The following VAPB variants were observed in gnomAD, a reference collection of about 807,000 sequenced individuals.
VAPB encodes the protein vesicle-associated membrane protein-associated protein B/C.
Under a neutral mutation model 25.6 loss-of-function variants are expected in VAPB, and 7 were observed. The ratio of observed to expected loss-of-function variants is 0.27; its 90% CI spans 0.16 to 0.51. VAPB has a LOEUF of 0.51. VAPB is among the 20% of genes least tolerant of loss of function. The probability of loss-of-function intolerance (pLI) is 0.97; values close to 1 mark genes in which losing one functional copy is unlikely to be tolerated. For missense variants in VAPB, 266 were observed against 301.3 expected (o/e 0.88, Z 0.87); for synonymous variants, 112 against 109.2 (o/e 1.03, Z -0.16).
chr20:58,416,778 G>A (rs545917239), intron 1 of VAPB, among the ~76,000 whole-genome samples: 5 of 144,204 alleles, frequency 3.5e-5, no homozygotes, highest in African/African-American at 1.3e-4. Flanking sequence ...TTTTTTCCAT[G>A]CCCGGAGCAC....
rs147562400 is a variant in VAPB at position 58,422,010 on chromosome 20, T to G, written c.211+3647T>G. Among the ~76,000 whole-genome samples the G allele has an allele frequency of 4.6e-5, 7 of 152,308 alleles. No individual in the cohort carries two copies. The East Asian group carries it at 1.3e-3, about 29-fold the overall frequency. ...TATTGGGTCCTTAAAAAAACTCCCT[T>G]TTATAAACTTAGGTGGTAAAGTAAC... On this transcript the variant is annotated intron_variant, in intron 2 of 5. Transcript: ENST00000475243.
intron 2 of VAPB, among the ~76,000 whole-genome samples, chr20:58,429,843 G>A (rs1747087798): frequency 6.6e-6 from 1 of 152,100 alleles, no homozygotes; most frequent in Admixed American, 6.5e-5. Flanking sequence ...CTCCTGGAGG[G>A]CCTGTGAGAC....
intron 2 of VAPB, among the ~76,000 whole-genome samples, chr20:58,421,273 G>A (rs923716777): frequency 4.6e-5 from 7 of 152,208 alleles, no homozygotes; most frequent in Non-Finnish European, 1.0e-4. Flanking sequence ...CATGGTACAA[G>A]AGTGGTACAT....
chr20:58,443,959 T>A, intron 5 of VAPB, 118 bp from the exon 6 acceptor site: 1 of 1,475,542 alleles, frequency 6.8e-7, no homozygotes, highest in Non-Finnish European at 9.4e-7. Context: ...CAAAATGCGG[T>A]TGGACCATAT....
intron 1 of VAPB, among the ~76,000 whole-genome samples, chr20:58,417,145 A>C (rs534791858): frequency 6.6e-6 from 1 of 152,242 alleles, no homozygotes; most frequent in Non-Finnish European, 1.5e-5. Flanking sequence ...ACAGGTGAAA[A>C]ATATGTAAAT....
chr20:58,441,379 C>T (rs1026308110), intron 5 of VAPB, among the ~76,000 whole-genome samples: 35 of 151,958 alleles, frequency 2.3e-4, no homozygotes, highest in Non-Finnish European at 5.9e-5. Flanking sequence ...CGGTGGCTCA[C>T]GCCTGTAATC....
chr20:58,413,642 T>G (rs2123049072), intron 1 of VAPB, among the ~76,000 whole-genome samples: 1 of 151,944 alleles, frequency 6.6e-6, no homozygotes, highest in African/African-American at 2.4e-5. Context: ...TCCTGGCCCG[T>G]TCTCAATGAG....
chr20:58,428,526 C>T (rs772444214), intron 2 of VAPB, among the ~76,000 whole-genome samples: 6 of 152,064 alleles, frequency 3.9e-5, no homozygotes, highest in Admixed American at 3.9e-4. Context: ...GTGGCAGGCA[C>T]CTATAGTCCT....
rs1028052961 is a variant in VAPB, at chr20:58,439,208, C to T, written c.396+183C>T. 62 of 611,710 alleles carry T rather than the reference C, an allele frequency of 1.0e-4. No homozygotes were observed. In the South Asian group the frequency reaches 1.0e-3, roughly 10 times the overall value. The allele number at this position is 611,710 out of a possible 1,614,324, so 37.9% of individuals were successfully genotyped here. On this transcript the variant is annotated intron_variant, in intron 4 of 5. Transcript: ENST00000475243. Reference sequence around the variant, plus strand: ...TTATGAAATCAGCCTTTGAAAAACTCACGGAAAGACAACTGATTGACAGTG... The same window carrying T: ...TTATGAAATCAGCCTTTGAAAAACTTACGGAAAGACAACTGATTGACAGTG...
intron 1 of VAPB, among the ~76,000 whole-genome samples, chr20:58,399,713 CA>C (rs11315321): frequency 0.32 from 41,554 of 128,028 alleles, 5,930 homozygotes; most frequent in South Asian, 0.4. Context: ...GAGACCGTCT[CA>C]AAAAAAAAAA....
At chr20:58,389,634 G>C (rs912700945) in intron 1 of VAPB, 117 bp downstream of exon 1, 20 of 1,144,078 alleles carry the variant, frequency 1.7e-5, no homozygotes, top group East Asian at 1.0e-4. Flanking sequence ...GCGCTGTCGC[G>C]GGGGGCGGCG....
chr20:58,444,470 CT>C lies in VAPB; in HGVS notation c.*238del. On this transcript the variant is annotated 3_prime_UTR_variant, in exon 6 of 6. Coordinates refer to ENST00000475243, the MANE Select transcript of VAPB (RefSeq NM_004738.5). The stretch of plus-strand genomic sequence containing the variant: ...ACTGATTGAGGGGGAAAAGAATGAT[CT>C]TTATTAATGACAAGGGAAACCATGA... 4.7e-6 allele frequency: 3 copies of C among 634,604 alleles called. No individual in the cohort carries two copies. The highest frequency in any genetic ancestry group is 5.8e-6 in the Non-Finnish European group (2 of 344,974). 39.3% of individuals were successfully genotyped at this position (634,604 alleles called of 1,614,324 possible).
At chr20:58,407,482 T>G (rs1988258949) in intron 1 of VAPB, among the ~76,000 whole-genome samples, 1 of 152,084 alleles carries the variant, frequency 6.6e-6, no homozygotes, top group Non-Finnish European at 1.5e-5. Context: ...TATGAAAAAA[T>G]TTTTAAGTAC....
chr20:58,431,786 T>C (rs144515967), intron 2 of VAPB, among the ~76,000 whole-genome samples: 2 of 152,204 alleles, frequency 1.3e-5, no homozygotes, highest in Non-Finnish European at 2.9e-5. Flanking sequence ...AGGTTGGTCT[T>C]GAACTCAAGT....
chr20:58,433,871 CA>C (rs1988981374), intron 2 of VAPB, among the ~76,000 whole-genome samples: 1 of 152,258 alleles, frequency 6.6e-6, no homozygotes, highest in South Asian at 2.1e-4. Context: ...AGCAAAGTAA[CA>C]TATTTTAAAG....
intron 1 of VAPB, among the ~76,000 whole-genome samples, chr20:58,398,314 A>G (rs1022634142): frequency 9.2e-5 from 14 of 152,214 alleles, no homozygotes; most frequent in Non-Finnish European, 1.9e-4. Context: ...CCAATCGGGG[A>G]TTGTCTGTAC....
In VAPB at chr20:58,450,103, A is replaced by T. The variant is rs1228175855; in HGVS notation, c.*5868A>T. The T allele has an allele frequency of 4.4e-6, 2 of 454,106 alleles. No homozygotes were observed. The highest frequency in any genetic ancestry group is 2.3e-5 in the Admixed American group (1 of 42,570). 28.1% of individuals were successfully genotyped at this position (454,106 alleles called of 1,614,324 possible). A position where few individuals can be genotyped will look rare whatever the true frequency, so the allele number is the denominator to read the frequency against. On this transcript the variant is annotated 3_prime_UTR_variant, in exon 6 of 6. Transcript: ENST00000475243. ...TGACTTGCCGGTTTTTCCATGTCATACAAAAAAGTCCTGGCTGTTTCTCCG... is the reference window on the plus strand; with the variant it reads ...TGACTTGCCGGTTTTTCCATGTCATTCAAAAAAGTCCTGGCTGTTTCTCCG...
intron 1 of VAPB, among the ~76,000 whole-genome samples, chr20:58,399,120 G>A (rs1280469590): frequency 6.6e-6 from 1 of 152,034 alleles, no homozygotes; most frequent in Non-Finnish European, 1.5e-5. Flanking sequence ...GACCAACATA[G>A]TGAAACCCCA....
At chr20:58,441,535 G>A (rs1046271802) in intron 5 of VAPB, among the ~76,000 whole-genome samples, 2 of 152,114 alleles carry the variant, frequency 1.3e-5, no homozygotes. Context: ...CCAGCCACTC[G>A]GGAGGCTGAG....
Sources: allele counts gnomAD v4.1 joint callset (sites outside exome capture counted in the v4.1 genomes callset), GRCh38; gene constraint gnomAD v4.1.1; transcripts MANE v1.5; gene names NCBI Gene and HGNC (gene_info 2026-07-23, HGNC 2026-07-21).